Variants in PRKCI observed in about 807,000 individuals in gnomAD.
PRKCI encodes protein kinase C iota, also known as protein kinase C iota type.
PRKCI carries 43 observed loss-of-function variants against 84.0 expected under a neutral mutation model. The ratio of observed to expected loss-of-function variants is 0.51; its 90% CI spans 0.40 to 0.66. The LOEUF (loss-of-function observed/expected upper bound fraction) is 0.66, where lower values mean the gene tolerates loss of function less well. Among genes scored for constraint, PRKCI ranks in the 30% least tolerant of loss-of-function variants. PRKCI has a pLI of 0.00. For missense variants in PRKCI, 459 were observed against 745.6 expected (o/e 0.62, Z 4.48); for synonymous variants, 216 against 234.4 (o/e 0.92, Z 0.72).
chr3:170,229,828 ATCTG>A (rs1560165013), intron 1 of PRKCI, among the ~76,000 whole-genome samples: 1 of 152,194 alleles, frequency 6.6e-6, no homozygotes, highest in Non-Finnish European at 1.5e-5. Flanking sequence ...ATTGCATGTT[ATCTG>A]TCTTTTAAAT....
At chr3:170,284,393 G>A in intron 11 of PRKCI, 68 bp from the exon 12 acceptor site, 1 of 1,299,768 alleles carries the variant, frequency 7.7e-7, no homozygotes. Flanking sequence ...GAATTTTTGT[G>A]TTTCCAGTTG....
Position 170,263,405 on chromosome 3 carries a change from G to C in PRKCI, c.340G>C (p.Gly114Arg). 1 of 1,602,924 alleles carries C rather than the reference G, an allele frequency of 6.2e-7. No individual in the cohort carries two copies. ...HVFPCVPERP[G>R]MPCPGEDKSI... ...GTTCCCTTGTGTACCAGAACGTCCT[G>C]GGATGCCTTGTCCAGGAGAAGATAG... The change falls in exon 4 of 18, where the codon GGG (glycine) becomes CGG (arginine). Residue 114 changes from glycine to arginine, a missense_variant. Coordinates refer to ENST00000295797, the MANE Select transcript of PRKCI (RefSeq NM_002740.6).
intron 2 of PRKCI, among the ~76,000 whole-genome samples, chr3:170,247,198 C>T (rs1055522239): frequency 6.6e-6 from 1 of 151,034 alleles, no homozygotes; most frequent in East Asian, 2.0e-4. Flanking sequence ...AGTAGGTGTG[C>T]GCCACCATGC....
At chr3:170,278,149 A>G (rs191304924) in intron 8 of PRKCI, among the ~76,000 whole-genome samples, 10 of 152,290 alleles carry the variant, frequency 6.6e-5, no homozygotes, top group Admixed American at 3.3e-4. Flanking sequence ...AGTGGCGTCT[A>G]TCATTTCATT....
intron 2 of PRKCI, among the ~76,000 whole-genome samples, chr3:170,255,153 C>G (rs185727734): frequency 2.7e-5 from 4 of 150,288 alleles, no homozygotes; most frequent in Non-Finnish European, 5.9e-5. Context: ...CTCCACCTCC[C>G]GGGTTCAAGT....
chr3:170,289,964 T>C (rs141919242), intron 12 of PRKCI, among the ~76,000 whole-genome samples: 2,519 of 151,976 alleles, frequency 0.017, 68 homozygotes, highest in African/African-American at 0.058. Context: ...TCCCAGCTAC[T>C]TGGGAGGCTG....
In PRKCI at chr3:170,305,903, C is replaced by T. The variant is rs1734948947; in HGVS notation, c.*2776C>T. On this transcript the variant is annotated 3_prime_UTR_variant, in exon 18 of 18. Transcript: ENST00000295797. ...TCATGTAGAATACTACTGTGGTCAT[C>T]ATAATGTAATCTATTTCTGTACCTT... The T allele has an allele frequency of 6.8e-6, 1 of 147,748 alleles. No individual in the cohort carries two copies. The highest frequency in any genetic ancestry group is 2.5e-5 in the African/African-American group (1 of 40,480). The allele number at this position is 147,748 out of a possible 1,614,324, so 9.2% of individuals were successfully genotyped here.
intron 2 of PRKCI, among the ~76,000 whole-genome samples, chr3:170,250,133 C>T (rs1369624331): frequency 6.6e-6 from 1 of 151,820 alleles, no homozygotes; most frequent in Non-Finnish European, 1.5e-5. Flanking sequence ...ATTAGCTGGA[C>T]GTGGTGGCAC....
intron 2 of PRKCI, among the ~76,000 whole-genome samples, chr3:170,246,197 G>T (rs1461367788): frequency 6.6e-6 from 1 of 151,954 alleles, no homozygotes; most frequent in East Asian, 1.9e-4. Context: ...TTGCCGCCCA[G>T]GCTGGAGTGC....
intron 2 of PRKCI, among the ~76,000 whole-genome samples, chr3:170,237,943 A>G (rs1019374684): frequency 1.3e-5 from 2 of 152,142 alleles, no homozygotes; most frequent in East Asian, 1.9e-4. Flanking sequence ...GTATGTTTCT[A>G]TAAATTCTTT....
rs76240989 is a variant in PRKCI at position 170,229,828 on chromosome 3, A to G, written c.102-5402A>G. On this transcript the variant is annotated intron_variant, in intron 1 of 17. Transcript: ENST00000295797. ...CTGCCTTATATTCCCATTGCATGTT[A>G]TCTGTCTTTTAAATTTTTGACTGTC... is the stretch of plus-strand genomic sequence containing the variant. 7.1e-3 allele frequency among the ~76,000 whole-genome samples: 1,075 copies of G among 152,304 alleles called. 13 individuals carry two copies. Among genetic ancestry groups the G allele is most frequent in the African/African-American group, 0.024 (1,008 of 41,568 alleles).
intron 1 of PRKCI, among the ~76,000 whole-genome samples, chr3:170,230,701 A>T (rs1413593074): frequency 6.6e-6 from 1 of 152,166 alleles, no homozygotes; most frequent in Non-Finnish European, 1.5e-5. Flanking sequence ...TTTATAGGGT[A>T]CTGACACAAC....
intron 1 of PRKCI, among the ~76,000 whole-genome samples, chr3:170,228,616 TACACACACAC>T (rs36006947): frequency 1.2e-4 from 18 of 147,386 alleles, no homozygotes; most frequent in South Asian, 8.6e-4. Flanking sequence ...TATATATATA[TACACACACAC>T]ACACACACAC....
intron 17 of PRKCI, among the ~76,000 whole-genome samples, chr3:170,301,988 C>T (rs569029961): frequency 2.1e-4 from 32 of 152,288 alleles, no homozygotes; most frequent in African/African-American, 6.3e-4. Flanking sequence ...ACTCACCATT[C>T]CCTAGTAGTA....
At position 170,280,326 on chromosome 3, in the gene PRKCI, C is replaced by T. The variant is rs763687702; in HGVS notation, c.805C>T (p.Leu269=). Residue 269 remains leucine, a synonymous_variant, in exon 9 of 18, where the codon CTG becomes TTG. Transcript: ENST00000295797. ...VIGRGSYAKV[L]LVRLKKTDRI... ...AGGAAGAGGAAGTTATGCCAAAGTA[C>T]TGTTGGTTCGATTAAAAAAAACAGA... 13 of 1,613,564 alleles carry T rather than the reference C, an allele frequency of 8.1e-6. No homozygotes were observed. In the East Asian group the frequency reaches 2.5e-4, roughly 30 times the overall value.
At chr3:170,261,624 C>T (rs1324221425) in intron 3 of PRKCI, among the ~76,000 whole-genome samples, 1 of 152,016 alleles carries the variant, frequency 6.6e-6, no homozygotes, top group Non-Finnish European at 1.5e-5. Context: ...CTTGGGATTA[C>T]AGGCGCCTAC....
intron 2 of PRKCI, among the ~76,000 whole-genome samples, chr3:170,244,489 T>A (rs1733219090): frequency 6.6e-6 from 1 of 152,162 alleles, no homozygotes; most frequent in Admixed American, 6.6e-5. Flanking sequence ...CCGTACCTTG[T>A]CCCATTACCT....
At chr3:170,291,110 T>G (rs1734539021) in intron 12 of PRKCI, among the ~76,000 whole-genome samples, 1 of 149,256 alleles carries the variant, frequency 6.7e-6, no homozygotes, top group Admixed American at 6.8e-5. Flanking sequence ...CACTCCAGCC[T>G]GGGCAACAAA....
At chr3:170,288,679 G>T (rs1416203637) in intron 12 of PRKCI, among the ~76,000 whole-genome samples, 2 of 152,110 alleles carry the variant, frequency 1.3e-5, no homozygotes, top group Admixed American at 1.3e-4. Context: ...AACCTGGGGT[G>T]GGGTGGAGAT....
Sources: allele counts gnomAD v4.1 joint callset (sites outside exome capture counted in the v4.1 genomes callset), GRCh38; gene constraint gnomAD v4.1.1; transcripts MANE v1.5; gene names NCBI Gene and HGNC (gene_info 2026-07-23, HGNC 2026-07-21).